Variants in RP1 observed in about 807,000 individuals in gnomAD.
RP1 encodes the protein oxygen-regulated protein 1.
In RP1, 16 loss-of-function variants were observed where a neutral mutation model predicts 14.8. The ratio of observed to expected loss-of-function variants is 1.08; its 90% confidence interval spans 0.73 to 1.65. RP1 has a LOEUF of 1.65. RP1 is among the 40% of genes most tolerant of loss of function. The probability of loss-of-function intolerance (pLI) is 0.00; values close to 1 mark genes in which losing one functional copy is unlikely to be tolerated. For missense variants in RP1, 2,631 were observed against 2,535.0 expected, an observed-to-expected ratio of 1.04 and a Z score of -0.81; for synonymous variants, 876 against 883.6, an observed-to-expected ratio of 0.99 and a Z score of 0.15.
At position 54,636,582 on chromosome 8, in the gene RP1, A is replaced by T. The variant is rs995601933; in HGVS notation, c.788-12403A>T. 9.2e-5 allele frequency among the ~76,000 whole-genome samples: 14 copies of T among 152,272 alleles called. No homozygotes were observed. The Middle Eastern group carries it at 0.014, about 148-fold the overall frequency. On this transcript the variant is annotated intron_variant, in intron 3 of 22. Transcript: ENST00000636932. ...GTGAAACCCGTTCTTTACTAAAAAT[A>T]TAAAAATTAGCTGGGCCTGGTCGTG...
At chr8:54,606,487 A>G (rs566823989) in intron 1 of RP1, among the ~76,000 whole-genome samples, 1 of 152,008 alleles carries the variant, frequency 6.6e-6, no homozygotes, top group East Asian at 1.9e-4. Flanking sequence ...TTATTCCTTC[A>G]TTTCAACTTT....
At chr8:54,575,657 G>T (rs1019711466) in intron 1 of RP1, among the ~76,000 whole-genome samples, 7 of 152,086 alleles carry the variant, frequency 4.6e-5, no homozygotes, top group Admixed American at 2.0e-4. Context: ...AGTTTCAGGG[G>T]TATTTAGGTT....
intron 1 of RP1, among the ~76,000 whole-genome samples, chr8:54,577,552 C>A (rs1804689757): frequency 7.1e-6 from 1 of 139,980 alleles, no homozygotes; most frequent in South Asian, 2.3e-4. Context: ...TAGATTCACA[C>A]CCACTTCTTA....
At chr8:54,835,000 T>C (rs1203787902) in intron 24 of RP1, among the ~76,000 whole-genome samples, 3 of 152,290 alleles carry the variant, frequency 2.0e-5, no homozygotes, top group African/African-American at 7.2e-5. Flanking sequence ...TCCTAGAACT[T>C]AAGTTTTAAA....
chr8:54,821,558 G>T (rs1211685807), intron 24 of RP1, among the ~76,000 whole-genome samples: 1 of 152,184 alleles, frequency 6.6e-6, no homozygotes, highest in African/African-American at 2.4e-5. Flanking sequence ...TATGTAGAAA[G>T]CAGGTACAGA....
At chr8:54,688,155 G>C (rs2129338303) in intron 12 of RP1, among the ~76,000 whole-genome samples, 1 of 151,996 alleles carries the variant, frequency 6.6e-6, no homozygotes, top group South Asian at 2.1e-4. Context: ...TTTTTGATAG[G>C]GTTGTTTGTT....
intron 22 of RP1, among the ~76,000 whole-genome samples, chr8:54,762,302 G>A (rs1482218210): frequency 6.6e-6 from 1 of 152,030 alleles, no homozygotes; most frequent in Non-Finnish European, 1.5e-5. Context: ...CCTTTTTGTG[G>A]GCTCGGGGGA....
At chr8:54,665,514 A>C (rs1301952770) in intron 7 of RP1, among the ~76,000 whole-genome samples, 2 of 152,150 alleles carry the variant, frequency 1.3e-5, no homozygotes, top group South Asian at 4.1e-4. Flanking sequence ...ATGAGTTGCT[A>C]GATGTGTGAT....
chr8:54,563,607 G>A (rs1029710869), intron 1 of RP1, among the ~76,000 whole-genome samples: 1 of 151,990 alleles, frequency 6.6e-6, no homozygotes, highest in African/African-American at 2.4e-5. Context: ...ATGCAGTGGC[G>A]AGATCATAGC....
At chr8:54,820,188 C>G (rs962905797) in intron 24 of RP1, among the ~76,000 whole-genome samples, 5 of 152,010 alleles carry the variant, frequency 3.3e-5, no homozygotes, top group South Asian at 2.1e-4. Flanking sequence ...AATCCTCTGT[C>G]CTCTTCCCTC....
intron 24 of RP1, among the ~76,000 whole-genome samples, chr8:54,834,446 A>T (rs1811610665): frequency 6.6e-6 from 1 of 152,068 alleles, no homozygotes; most frequent in South Asian, 2.1e-4. Context: ...CTAAAGAATA[A>T]AGCATTTTTT....
chr8:54,762,387 G>A (rs919288978), intron 22 of RP1, among the ~76,000 whole-genome samples: 1 of 152,138 alleles, frequency 6.6e-6, no homozygotes, highest in African/African-American at 2.4e-5. Context: ...GCCTGCGAGT[G>A]TGCGCATCCT....
chr8:54,564,053 C>T (rs1177986313), intron 1 of RP1, among the ~76,000 whole-genome samples: 1 of 152,170 alleles, frequency 6.6e-6, no homozygotes, highest in Non-Finnish European at 1.5e-5. Context: ...TTGCCCAACT[C>T]AGATCTCCTC....
At chr8:54,713,940 A>G (rs1472986819) in intron 15 of RP1, among the ~76,000 whole-genome samples, 1 of 152,230 alleles carries the variant, frequency 6.6e-6, no homozygotes, top group African/African-American at 2.4e-5. Context: ...TGACGTAGGA[A>G]AATTATGGCA....
chr8:54,710,427 C>T (rs182242356), intron 15 of RP1, among the ~76,000 whole-genome samples: 249 of 152,280 alleles, frequency 1.6e-3, no homozygotes, highest in African/African-American at 5.2e-3. Context: ...TCTGTTAGTC[C>T]CACCGTCTGT....
chr8:54,747,897 T>C (rs1809266889), intron 19 of RP1, among the ~76,000 whole-genome samples: 1 of 152,248 alleles, frequency 6.6e-6, no homozygotes, highest in South Asian at 2.1e-4. Context: ...ATAAGGCCAA[T>C]GCCCCTTCTC....
At chr8:54,732,328 A>ATTTG (rs1808812423) in intron 17 of RP1, among the ~76,000 whole-genome samples, 1 of 151,794 alleles carries the variant, frequency 6.6e-6, no homozygotes, top group Non-Finnish European at 1.5e-5. Flanking sequence ...GTAGTTTTTT[A>ATTTG]TTTGTTTGTT....
chr8:54,727,466 G>A (rs970621361), intron 17 of RP1, among the ~76,000 whole-genome samples: 25 of 152,014 alleles, frequency 1.6e-4, no homozygotes, highest in African/African-American at 6.0e-4. Flanking sequence ...GAAATCCCTG[G>A]GGGATAGATA....
chr8:54,594,371 G>A (rs573201646), intron 1 of RP1, among the ~76,000 whole-genome samples: 1 of 152,220 alleles, frequency 6.6e-6, no homozygotes, highest in African/African-American at 2.4e-5. Flanking sequence ...CTCAGTGTTG[G>A]CAGCTAAGCT....
Sources: gnomAD v4.1 joint callset for allele counts (sites outside exome capture counted in the v4.1 genomes callset) on GRCh38, gnomAD v4.1.1 for gene constraint, MANE v1.5 for transcripts, NCBI Gene and HGNC (gene_info 2026-07-23, HGNC 2026-07-21) for gene names.